Variants in COL4A5 observed in about 807,000 individuals in gnomAD.
The protein encoded by COL4A5 is collagen alpha-5(IV) chain.
COL4A5 carries 26 observed loss-of-function variants against 130.2 expected under a neutral mutation model. That is an observed-to-expected ratio of 0.20 (90% CI 0.15 to 0.28). COL4A5 has a LOEUF of 0.28. COL4A5 is among the 10% of genes least tolerant of loss of function. COL4A5 has a pLI of 1.00. For missense variants in COL4A5, 1,131 were observed against 1,344.3 expected, an observed-to-expected ratio of 0.84 and a Z score of 2.48; for synonymous variants, 496 against 439.6, an observed-to-expected ratio of 1.13 and a Z score of -1.60.
intron 1 of COL4A5, among the ~76,000 whole-genome samples, chrX:108,461,778 A>G (rs1161665960): frequency 1.8e-5 from 2 of 111,048 alleles, no homozygotes. Context: ...TATCTTTAGT[A>G]GAGACAGGTT....
intron 19 of COL4A5, among the ~76,000 whole-genome samples, chrX:108,588,508 T>G (rs2066373621): frequency 9.1e-6 from 1 of 109,940 alleles, no homozygotes; most frequent in African/African-American, 3.3e-5. Context: ...AATGAAAAGT[T>G]AAGAGGTATG....
chrX:108,646,234 A>G (rs2067584102), intron 36 of COL4A5, among the ~76,000 whole-genome samples: 1 of 111,542 alleles, frequency 9.0e-6, no homozygotes, highest in Admixed American at 9.5e-5. Flanking sequence ...CATCCTCTCC[A>G]GCACCTGTTG....
At chrX:108,483,582 A>G (rs1425812521) in intron 1 of COL4A5, among the ~76,000 whole-genome samples, 1 of 111,939 alleles carries the variant, frequency 8.9e-6, no homozygotes, top group Non-Finnish European at 1.9e-5. Context: ...AATGCTTTGT[A>G]TCCTTCAATC....
intron 1 of COL4A5, among the ~76,000 whole-genome samples, chrX:108,470,099 C>T (rs966890680): frequency 3.6e-5 from 4 of 111,995 alleles, no homozygotes; most frequent in African/African-American, 1.3e-4. Context: ...TGAACAAAGA[C>T]ATATATGAAA....
At chrX:108,674,020 C>T (rs975960677) in intron 42 of COL4A5, among the ~76,000 whole-genome samples, 1 of 108,543 alleles carries the variant, frequency 9.2e-6, no homozygotes, top group African/African-American at 3.3e-5. Context: ...CCAGCCTGGG[C>T]GACAGAGTGA....
At chrX:108,577,857 G>T in intron 10 of COL4A5, 95 bp from the exon 11 acceptor site, 1 of 708,815 alleles carries the variant, frequency 1.4e-6, no homozygotes. Context: ...ATTTTGATGG[G>T]CTTTTTCACA....
intron 30 of COL4A5, among the ~76,000 whole-genome samples, chrX:108,616,225 TG>T (rs201133751): frequency 2.7e-4 from 29 of 108,458 alleles, no homozygotes; most frequent in East Asian, 2.1e-3. Context: ...GTTTTTTTTT[TG>T]TTGTTGTTGT....
Position 108,689,211 on chromosome X carries a change from C to T in COL4A5, c.4528+1517C>T, listed in dbSNP as rs998884315. The T allele has an allele frequency of 1.9e-4, 46 of 241,432 alleles. 1 individual carries two copies. Among genetic ancestry groups the T allele is most frequent in the South Asian group, 6.3e-4 (3 of 4,790 alleles). The allele number at this position is 241,432 out of a possible 1,213,427, so 19.9% of individuals were successfully genotyped here. A position where few individuals can be genotyped will look rare whatever the true frequency, so the allele number is the denominator to read the frequency against. On this transcript the variant is annotated intron_variant, in intron 49 of 52. Coordinates refer to ENST00000328300, the MANE Select transcript of COL4A5 (RefSeq NM_033380.3). Reference sequence around the variant, plus strand: ...TTAAATTATCTTTCCATAATTTAATCGAATAATAAATATCTAAATAATTAA... The same window carrying T: ...TTAAATTATCTTTCCATAATTTAATTGAATAATAAATATCTAAATAATTAA...
intron 36 of COL4A5, among the ~76,000 whole-genome samples, chrX:108,631,767 T>C (rs760439656): frequency 3.2e-4 from 36 of 111,450 alleles, no homozygotes; most frequent in Admixed American, 1.1e-3. Context: ...GAAATAAAGA[T>C]TTTCTTTGAA....
intron 30 of COL4A5, among the ~76,000 whole-genome samples, chrX:108,617,154 C>T (rs1429576492): frequency 9.0e-6 from 1 of 110,885 alleles, no homozygotes; most frequent in East Asian, 2.8e-4. Flanking sequence ...CAGATACTCA[C>T]TTTCTAAGTA....
At position 108,692,835 on chromosome X, in the gene COL4A5, A is replaced by G; in HGVS notation, c.4616A>G (p.Asn1539Ser). 3 of 1,210,934 alleles carry G rather than the reference A, an allele frequency of 2.5e-6. No individual in the cohort carries two copies. Among genetic ancestry groups the G allele is most frequent in the Non-Finnish European group, 3.4e-6 (3 of 894,823 alleles). ...AATGTTTGCAACTTTGCTTCAAGAAATGACTATTCTTACTGGCTCTCTACC... is the reference window on the plus strand; with the variant it reads ...AATGTTTGCAACTTTGCTTCAAGAAGTGACTATTCTTACTGGCTCTCTACC... ...INNVCNFASRNDYSYWLSTPE... is the reference protein window; with the variant it reads ...INNVCNFASRSDYSYWLSTPE... Residue 1539 changes from asparagine to serine, a missense_variant, in exon 50 of 53, where the codon AAT becomes AGT. By Grantham distance (46) the Asn-to-Ser change is conservative (BLOSUM62 1). Transcript: ENST00000328300.
intron 2 of COL4A5, among the ~76,000 whole-genome samples, chrX:108,554,595 T>C (rs1343333343): frequency 8.9e-6 from 1 of 111,849 alleles, no homozygotes; most frequent in Non-Finnish European, 1.9e-5. Context: ...GCATGGTGGC[T>C]CACAACTGTA....
chrX:108,647,655 G>T (rs2067628374), intron 36 of COL4A5, among the ~76,000 whole-genome samples: 1 of 111,538 alleles, frequency 9.0e-6, no homozygotes, highest in African/African-American at 3.3e-5. Flanking sequence ...TCCCTGTCTT[G>T]TGCCAGTTTT....
chrX:108,523,569 G>C (rs182645874), intron 1 of COL4A5, among the ~76,000 whole-genome samples: 28 of 111,893 alleles, frequency 2.5e-4, no homozygotes, highest in Non-Finnish European at 4.0e-4. Context: ...GGCCTTTGGG[G>C]TTCCTTGCAA....
chrX:108,486,133 C>G (rs898751242), intron 1 of COL4A5, among the ~76,000 whole-genome samples: 1 of 111,350 alleles, frequency 9.0e-6, no homozygotes. Flanking sequence ...CTGCAGCCTC[C>G]TTCTCCTAAG....
At chrX:108,555,736 C>T (rs950047337) in intron 2 of COL4A5, among the ~76,000 whole-genome samples, 2 of 111,443 alleles carry the variant, frequency 1.8e-5, no homozygotes, top group Non-Finnish European at 3.8e-5. Context: ...TTATAAAGTG[C>T]GCTTCCTGAA....
At chrX:108,687,784 CCT>C (rs1216266927) in intron 49 of COL4A5, 90 bp downstream of exon 49, 6 of 818,057 alleles carry the variant, frequency 7.3e-6, no homozygotes, top group Non-Finnish European at 1.1e-5. Context: ...GGCCAAAGTG[CCT>C]CTCTCTATTC....
chrX:108,573,513 T>C, intron 8 of COL4A5, 61 bp from the exon 9 acceptor site: 2 of 788,011 alleles, frequency 2.5e-6, no homozygotes, highest in Non-Finnish European at 2.0e-6. Flanking sequence ...ATTTTTCTGG[T>C]TTTGCTGGTT....
chrX:108,503,558 A>G (rs1051419223), intron 1 of COL4A5, among the ~76,000 whole-genome samples: 1 of 112,118 alleles, frequency 8.9e-6, no homozygotes, highest in African/African-American at 3.2e-5. Flanking sequence ...TGAATTCAGT[A>G]AAGTCTCAGG....
Sources: gnomAD v4.1 joint callset for allele counts (sites outside exome capture counted in the v4.1 genomes callset) on GRCh38, gnomAD v4.1.1 for gene constraint, MANE v1.5 for transcripts, NCBI Gene and HGNC (gene_info 2026-07-23, HGNC 2026-07-21) for gene names.